Variants in HNRNPR observed in about 807,000 individuals in gnomAD.
The protein encoded by HNRNPR is heterogeneous nuclear ribonucleoprotein R.
Under a neutral mutation model 70.3 loss-of-function variants are expected in HNRNPR, and 4 were observed. That is an observed-to-expected ratio of 0.06 (90% confidence interval 0.03 to 0.13). HNRNPR has a LOEUF of 0.13. Among genes scored for constraint, HNRNPR ranks in the 10% least tolerant of loss-of-function variants. The pLI is 1.00. For synonymous variants in HNRNPR, 241 were observed against 267.6 expected (o/e 0.90, Z 0.97); for missense variants, 423 against 788.5 (o/e 0.54, Z 5.55).
intron 3 of HNRNPR, 122 bp downstream of exon 3, chr1:23,338,368 A>G: frequency 1.0e-5 from 5 of 489,140 alleles, no homozygotes; most frequent in Non-Finnish European, 1.8e-5. Context: ...CCTTTAAACT[A>G]ATTTTTTAAA....
chr1:23,339,142 A>G (rs548779485), intron 2 of HNRNPR, among the ~76,000 whole-genome samples: 33 of 152,364 alleles, frequency 2.2e-4, no homozygotes, highest in Admixed American at 7.2e-4. Flanking sequence ...AACACCAAAG[A>G]TAAACTGAAA....
At chr1:23,336,066 G>C (rs1344605718) in intron 4 of HNRNPR, among the ~76,000 whole-genome samples, 5 of 124,964 alleles carry the variant, frequency 4.0e-5, no homozygotes, top group Admixed American at 9.6e-5. Flanking sequence ...GCAGTGAGCC[G>C]AGATCCCGCC....
At chr1:23,329,919 C>T (rs976926698) in intron 5 of HNRNPR, among the ~76,000 whole-genome samples, 15 of 152,202 alleles carry the variant, frequency 9.9e-5, no homozygotes, top group Non-Finnish European at 1.9e-4. Flanking sequence ...GCATGAGCCA[C>T]CACACCCAGC....
rs942157695 is a variant in HNRNPR at position 23,331,891 on chromosome 1, GCA to G, written c.498+1625_498+1626del. Among the ~76,000 whole-genome samples, 9 of 129,094 alleles carry G rather than the reference GCA, an allele frequency of 7.0e-5. No individual in the cohort carries two copies. In the East Asian group the frequency reaches 1.6e-3, roughly 23 times the overall value. The allele number at this position is 129,094 out of a possible 152,430, so 84.7% of individuals were successfully genotyped here. On this transcript the variant is annotated intron_variant, in intron 5 of 10. Coordinates refer to ENST00000302271, the MANE Select transcript of HNRNPR (RefSeq NM_005826.5). ...CCCTGGTGTAACAGGTTACTTTTCA[GCA>G]CACAGTTTTCTCCATTTGAAGGATG... is the stretch of plus-strand genomic sequence containing the variant.
chr1:23,319,569 G>C (rs750251958), intron 7 of HNRNPR, among the ~76,000 whole-genome samples: 1 of 152,078 alleles, frequency 6.6e-6, no homozygotes, highest in Non-Finnish European at 1.5e-5. Context: ...TAATTTATCA[G>C]CTTCCACTCA....
rs1382844969 is a variant in HNRNPR at position 23,305,477 on chromosome 1, A to G, written c.*4977T>C. 6.6e-6 allele frequency: 1 copy of G among 152,200 alleles called. No homozygotes were observed. The highest frequency in any genetic ancestry group is 6.5e-5 in the Admixed American group (1 of 15,276). The allele number at this position is 152,200 out of a possible 1,614,324, so 9.4% of individuals were successfully genotyped here. ...TCTAGGAAAGTCTTTCTAGACTGAT[A>G]TTCTCAACCAATAAAGAAGATACAG... On this transcript the variant is annotated 3_prime_UTR_variant, in exon 11 of 11. Coordinates refer to ENST00000302271, the MANE Select transcript of HNRNPR (RefSeq NM_005826.5).
At chr1:23,331,568 T>C (rs2148438397) in intron 5 of HNRNPR, among the ~76,000 whole-genome samples, 1 of 152,100 alleles carries the variant, frequency 6.6e-6, no homozygotes, top group Non-Finnish European at 1.5e-5. Context: ...CGGATGCCTG[T>C]AATCCCAGCT....
intron 5 of HNRNPR, among the ~76,000 whole-genome samples, chr1:23,329,387 C>G (rs746183087): frequency 2.6e-5 from 4 of 152,194 alleles, no homozygotes; most frequent in Non-Finnish European, 4.4e-5. Flanking sequence ...AATAGGAATA[C>G]TTTCCTTTTA....
At chr1:23,327,516 T>C (rs1257326851) in intron 5 of HNRNPR, among the ~76,000 whole-genome samples, 1 of 151,930 alleles carries the variant, frequency 6.6e-6, no homozygotes, top group Admixed American at 6.6e-5. Context: ...GGTGAAACCC[T>C]GTCTGTAACT....
At chr1:23,338,963 T>G (rs1380758257) in intron 2 of HNRNPR, among the ~76,000 whole-genome samples, 1 of 152,204 alleles carries the variant, frequency 6.6e-6, no homozygotes, top group Non-Finnish European at 1.5e-5. Context: ...CAAATTTTGG[T>G]TTATATTAGA....
chr1:23,343,412 C>G (rs1446885373), intron 1 of HNRNPR, among the ~76,000 whole-genome samples: 1 of 152,162 alleles, frequency 6.6e-6, no homozygotes, highest in Non-Finnish European at 1.5e-5. Flanking sequence ...TCAATTCAGC[C>G]ACTTGAGGAC....
intron 5 of HNRNPR, 59 bp from the exon 6 acceptor site, chr1:23,323,791 G>C: frequency 7.2e-7 from 1 of 1,393,862 alleles, no homozygotes. Flanking sequence ...GAGCCATAAA[G>C]CCTACTGCCT....
Position 23,318,827 on chromosome 1 carries a change from T to C in HNRNPR, c.812-139A>G. On this transcript the variant is annotated intron_variant, in intron 7 of 10. Transcript: ENST00000302271. This position sits in a 1 kb window ranked among gnomAD's most constrained non-coding sequence, Gnocchi z 4.2. The stretch of plus-strand genomic sequence containing the variant: ...ATGAGTCACTAATTTTGTAGACAAT[T>C]AGATCAACATAATTAGATATGGGGT... The C allele has an allele frequency of 2.9e-6, 2 of 696,560 alleles. No homozygotes were observed. The highest frequency in any genetic ancestry group is 4.9e-6 in the Non-Finnish European group (2 of 410,420). The allele number at this position is 696,560 out of a possible 1,614,324, so 43.1% of individuals were successfully genotyped here.
At chr1:23,327,548 G>A (rs1646039404) in intron 5 of HNRNPR, among the ~76,000 whole-genome samples, 1 of 152,100 alleles carries the variant, frequency 6.6e-6, no homozygotes, top group South Asian at 2.1e-4. Context: ...AAATTAGTCA[G>A]GCATGGTGGC....
In HNRNPR at chr1:23,304,803, T is replaced by C. The variant is rs747758216; in HGVS notation, c.*5651A>G. ...GATTTTTATTAAACTGATGATTAAA[T>C]GGAAAAGGTCTTGCAAATGTCCCTA... On this transcript the variant is annotated 3_prime_UTR_variant, in exon 11 of 11. Transcript: ENST00000302271. 1.3e-5 allele frequency: 2 copies of C among 152,210 alleles called. No homozygotes were observed. The highest frequency in any genetic ancestry group is 2.9e-5 in the Non-Finnish European group (2 of 68,036). The allele number at this position is 152,210 out of a possible 1,614,324, so 9.4% of individuals were successfully genotyped here.
At chr1:23,319,396 TAA>T (rs982575408) in intron 7 of HNRNPR, among the ~76,000 whole-genome samples, 1 of 152,198 alleles carries the variant, frequency 6.6e-6, no homozygotes, top group African/African-American at 2.4e-5. Flanking sequence ...TCCTATCTAA[TAA>T]ACAGTGCCAT....
intron 4 of HNRNPR, 87 bp downstream of exon 4, chr1:23,337,667 A>AAAAAAAAAAAAAATT: frequency 1.2e-6 from 1 of 864,148 alleles, no homozygotes. Context: ...AAAAAAAAAA[A>AAAAAAAAAAAAAATT]GTGAAACTTT....
At chr1:23,321,472 TG>T in intron 7 of HNRNPR, 55 bp downstream of exon 7, 1 of 1,488,654 alleles carries the variant, frequency 6.7e-7, no homozygotes, top group Non-Finnish European at 9.3e-7. Flanking sequence ...TTTGAGCACT[TG>T]TAAGTAGTAC....
At chr1:23,334,149 T>G (rs1311695954) in intron 4 of HNRNPR, among the ~76,000 whole-genome samples, 2 of 151,914 alleles carry the variant, frequency 1.3e-5, no homozygotes, top group Non-Finnish European at 2.9e-5. Flanking sequence ...CCTGGCCTCA[T>G]GAGATCCGCC....
Sources: allele counts gnomAD v4.1 joint callset (sites outside exome capture counted in the v4.1 genomes callset), GRCh38; gene constraint gnomAD v4.1.1; non-coding constraint Gnocchi (gnomAD v3.1); transcripts MANE v1.5; gene names NCBI Gene and HGNC (gene_info 2026-07-23, HGNC 2026-07-21).